Variants in AP1G1 observed in about 807,000 individuals in gnomAD.
AP1G1 encodes adaptor related protein complex 1 subunit gamma 1, also known as AP-1 complex subunit gamma-1.
In AP1G1, 7 loss-of-function variants were observed where a neutral mutation model predicts 108.3. That is an observed-to-expected ratio of 0.06 (90% CI 0.04 to 0.12). The LOEUF is 0.12. Ranked by LOEUF, AP1G1 falls within the 10% of genes least tolerant of loss-of-function variation. AP1G1 has a pLI of 1.00. For missense variants in AP1G1, 756 were observed against 1,010.7 expected (o/e 0.75, Z 3.42); for synonymous variants, 379 against 353.5 (o/e 1.07, Z -0.81).
intron 13 of AP1G1, chr16:71,751,464 A>G (rs1215573972): frequency 6.7e-6 from 1 of 148,772 alleles, no homozygotes; most frequent in Non-Finnish European, 1.5e-5. Flanking sequence ...TTGGAAAGGA[A>G]AAAAAAGAAA....
chr16:71,801,332 T>A (rs2032792547), intron 1 of AP1G1, among the ~76,000 whole-genome samples: 1 of 105,640 alleles, frequency 9.5e-6, no homozygotes, highest in Admixed American at 1.1e-4. Context: ...CCATGACATG[T>A]TAAAAAAAAA....
chr16:71,787,257 T>C (rs1450945447), intron 2 of AP1G1, among the ~76,000 whole-genome samples: 4 of 140,808 alleles, frequency 2.8e-5, no homozygotes, highest in African/African-American at 5.4e-5. Flanking sequence ...AGGTGGAGGT[T>C]GAAGTGAGCC....
intron 1 of AP1G1, among the ~76,000 whole-genome samples, chr16:71,807,262 C>T (rs2033026604): frequency 6.6e-6 from 1 of 152,138 alleles, no homozygotes; most frequent in Admixed American, 6.6e-5. Flanking sequence ...CCCATCTCTA[C>T]TAAAATACAA....
chr16:71,800,332 C>A (rs2032745350), intron 1 of AP1G1, among the ~76,000 whole-genome samples: 1 of 138,940 alleles, frequency 7.2e-6, no homozygotes, highest in Non-Finnish European at 1.5e-5. Context: ...GATCGCACCA[C>A]TGCACTCTAG....
rs2032638188 is a variant in AP1G1 at position 71,797,746 on chromosome 16, C to G, written c.-3-8264G>C. ...CCCAGGAGGCGGGGATTGCAGTGAC[C>G]TGAGATCGTGCCACTGCACTCCAGC... On this transcript the variant is annotated intron_variant, in intron 1 of 22. Transcript: ENST00000299980. Among the ~76,000 whole-genome samples the G allele has an allele frequency of 6.6e-5, 10 of 152,214 alleles. No individual in the cohort carries two copies. In the South Asian group the frequency reaches 2.1e-3, roughly 32 times the overall value.
At chr16:71,737,005 A>C (rs1032379052) in intron 21 of AP1G1, among the ~76,000 whole-genome samples, 5 of 152,190 alleles carry the variant, frequency 3.3e-5, no homozygotes, top group African/African-American at 1.2e-4. Context: ...GCAGCAGCCT[A>C]AAGTAACAAG....
At chr16:71,750,069 G>A (rs2030404529) in intron 14 of AP1G1, 86 bp from the exon 15 acceptor site, 1 of 1,474,452 alleles carries the variant, frequency 6.8e-7, no homozygotes, top group Non-Finnish European at 9.5e-7. Flanking sequence ...TCATAATAAA[G>A]ATCAAAACTG....
rs943171524 is a variant in AP1G1, at chr16:71,775,463, A to G, written c.202-871T>C. On this transcript the variant is annotated intron_variant, in intron 2 of 22. Coordinates refer to ENST00000299980, the MANE Select transcript of AP1G1 (RefSeq NM_001128.6). ...CATTCAAATAATCTCTCAGTTTTGC[A>G]TTAGTTTTGCAGATTCACACAAACA... Among the ~76,000 whole-genome samples the G allele has an allele frequency of 2.0e-5, 3 of 152,192 alleles. No homozygotes were observed. In the South Asian group the frequency reaches 6.2e-4, roughly 31 times the overall value.
rs1315927544 is a variant in AP1G1, at chr16:71,746,689, T to G, written c.1629A>C (p.Arg543=). The change falls in exon 17 of 23, where the codon CGA becomes CGC. Residue 543 remains arginine, a synonymous_variant. Transcript: ENST00000299980. ...CGTAGATGGAAACCACTTTCTTAAT[T>G]CGGCTATAGATAAAATGACAAACGA... ...LSTRFTCTVN[R]IKKVVSIYGS... The G allele has an allele frequency of 1.2e-6, 2 of 1,608,708 alleles. No individual in the cohort carries two copies. Among genetic ancestry groups the G allele is most frequent in the Non-Finnish European group, 1.7e-6 (2 of 1,176,906 alleles).
chr16:71,767,950 A>G, intron 6 of AP1G1: 1 of 1,530,488 alleles, frequency 6.5e-7, no homozygotes, highest in Non-Finnish European at 8.9e-7. Context: ...CATTAGGGAC[A>G]GATACGGGTC....
chr16:71,788,825 C>CT (rs67092359), intron 2 of AP1G1, among the ~76,000 whole-genome samples: 306 of 145,652 alleles, frequency 2.1e-3, no homozygotes, highest in South Asian at 4.6e-3. Flanking sequence ...CCACACCATG[C>CT]TTTTTTTTTT....
At chr16:71,780,448 A>C (rs957309559) in intron 2 of AP1G1, among the ~76,000 whole-genome samples, 1 of 150,242 alleles carries the variant, frequency 6.7e-6, no homozygotes, top group Non-Finnish European at 1.5e-5. Flanking sequence ...CTACGATTGC[A>C]CCACTGCACT....
At chr16:71,765,399 T>C (rs900313773) in intron 7 of AP1G1, 90 bp downstream of exon 7, 10 of 844,514 alleles carry the variant, frequency 1.2e-5, no homozygotes, top group Admixed American at 5.1e-5. Context: ...ACCAAATTTC[T>C]ACTCAACACA....
intron 6 of AP1G1, among the ~76,000 whole-genome samples, chr16:71,768,776 G>C (rs942544306): frequency 6.7e-6 from 1 of 150,132 alleles, no homozygotes; most frequent in African/African-American, 2.5e-5. Context: ...TTAGCCAGGC[G>C]TGGTGCCAGG....
In AP1G1 at chr16:71,769,485, A is replaced by G. The variant is rs537066660; in HGVS notation, c.642+138T>C. The G allele has an allele frequency of 4.9e-6, 4 of 809,294 alleles. No individual in the cohort carries two copies. In the South Asian group the frequency reaches 5.6e-5, roughly 11 times the overall value. 50.1% of individuals were successfully genotyped at this position (809,294 alleles called of 1,614,324 possible). On this transcript the variant is annotated intron_variant, in intron 6 of 22. Coordinates refer to ENST00000299980, the MANE Select transcript of AP1G1 (RefSeq NM_001128.6). ...ATGCCTAAATCTGGCTTCCAGGCCA[A>G]TTGCATAGCAGGGCTAGTTAAATCC...
intron 12 of AP1G1, 69 bp downstream of exon 12, chr16:71,755,950 C>G (rs1753746202): frequency 5.9e-6 from 9 of 1,537,356 alleles, no homozygotes; most frequent in Non-Finnish European, 7.0e-6. Context: ...AGCCCCCTCC[C>G]CATGTTTTAA....
At chr16:71,802,430 C>T (rs1485270513) in intron 1 of AP1G1, among the ~76,000 whole-genome samples, 2 of 152,072 alleles carry the variant, frequency 1.3e-5, no homozygotes, top group Non-Finnish European at 2.9e-5. Context: ...CACAACCCAG[C>T]TACTTTAAAA....
At chr16:71,805,779 A>C (rs750086117) in intron 1 of AP1G1, among the ~76,000 whole-genome samples, 2 of 152,188 alleles carry the variant, frequency 1.3e-5, no homozygotes, top group Non-Finnish European at 2.9e-5. Flanking sequence ...TCACACCTGT[A>C]ATCTCAGCAC....
intron 4 of AP1G1, among the ~76,000 whole-genome samples, 153 bp from the exon 5 acceptor site, chr16:71,771,405 C>T (rs1345236299): frequency 6.6e-6 from 1 of 152,154 alleles, no homozygotes; most frequent in African/African-American, 2.4e-5. Flanking sequence ...ATTTATGGCT[C>T]GACACAGTGA....
Sources: allele counts gnomAD v4.1 joint callset (sites outside exome capture counted in the v4.1 genomes callset), GRCh38; gene constraint gnomAD v4.1.1; transcripts MANE v1.5; gene names NCBI Gene and HGNC (gene_info 2026-07-23, HGNC 2026-07-21).